The following EDIL3 variants were observed in gnomAD, a reference collection of about 807,000 sequenced individuals.
EDIL3 encodes EGF like and discoidin domains 3.
In EDIL3, 37 loss-of-function variants were observed where a neutral mutation model predicts 67.4. The observed-to-expected ratio is 0.55, with a 90% CI of 0.42 to 0.72. The LOEUF (loss-of-function observed/expected upper bound fraction) is 0.72. Among genes scored for constraint, EDIL3 ranks in the 30% least tolerant of loss-of-function variants. The pLI, the probability that EDIL3 is intolerant of heterozygous loss-of-function variation, is 0.00. For synonymous variants in EDIL3, 195 were observed against 196.3 expected (o/e 0.99, Z 0.05); for missense variants, 527 against 586.3 (o/e 0.90, Z 1.04).
intron 5 of EDIL3, among the ~76,000 whole-genome samples, chr5:84,133,369 TC>T (rs1190049600): frequency 2.7e-5 from 4 of 148,504 alleles, no homozygotes; most frequent in African/African-American, 1.0e-4. Context: ...ATGCCTGTAA[TC>T]CCATTACTTT....
intron 6 of EDIL3, among the ~76,000 whole-genome samples, chr5:84,098,196 C>T (rs1747299500): frequency 6.6e-6 from 1 of 151,400 alleles, no homozygotes; most frequent in African/African-American, 2.4e-5. Flanking sequence ...GCATGCTGAA[C>T]ATATAAATGT....
At chr5:84,270,399 T>G (rs1323302010) in intron 1 of EDIL3, among the ~76,000 whole-genome samples, 4 of 152,114 alleles carry the variant, frequency 2.6e-5, no homozygotes, top group Non-Finnish European at 4.4e-5. Context: ...AATATTTAGG[T>G]TTATCATAGC....
intron 9 of EDIL3, among the ~76,000 whole-genome samples, chr5:83,998,030 C>A (rs1341732923): frequency 6.6e-6 from 1 of 152,018 alleles, no homozygotes; most frequent in African/African-American, 2.4e-5. Context: ...ACTCTGGGAT[C>A]CTAAAAAAAC....
chr5:84,097,909 G>C (rs1212594080), intron 6 of EDIL3, among the ~76,000 whole-genome samples: 1 of 151,974 alleles, frequency 6.6e-6, no homozygotes, highest in Non-Finnish European at 1.5e-5. Context: ...AAAGCACCCA[G>C]AATTTAAAAT....
chr5:84,294,384 C>CAAAAAA (rs1173407354), intron 1 of EDIL3, among the ~76,000 whole-genome samples: 1 of 31,790 alleles, frequency 3.1e-5, no homozygotes, highest in African/African-American at 9.3e-5. Flanking sequence ...GACTCTGTCT[C>CAAAAAA]AAAAAAAAAA....
intron 1 of EDIL3, among the ~76,000 whole-genome samples, chr5:84,326,957 A>C (rs1037580411): frequency 1.3e-5 from 2 of 151,878 alleles, no homozygotes; most frequent in African/African-American, 4.8e-5. Context: ...CTACTGCAAA[A>C]GTCTTTTTCC....
At chr5:84,051,867 C>T (rs537485735) in intron 9 of EDIL3, among the ~76,000 whole-genome samples, 1 of 152,308 alleles carries the variant, frequency 6.6e-6, no homozygotes, top group Non-Finnish European at 1.5e-5. Flanking sequence ...AGAATGGAAC[C>T]AAGTTGGAAA....
At chr5:84,216,564 A>G (rs1744229522) in intron 3 of EDIL3, among the ~76,000 whole-genome samples, 1 of 152,210 alleles carries the variant, frequency 6.6e-6, no homozygotes, top group Non-Finnish European at 1.5e-5. Context: ...CTTGCTTATT[A>G]TGTAACCTTG....
At chr5:84,175,481 A>T (rs1222564913) in intron 4 of EDIL3, among the ~76,000 whole-genome samples, 3 of 152,206 alleles carry the variant, frequency 2.0e-5, no homozygotes, top group African/African-American at 7.2e-5. Context: ...ATGTCCTGAA[A>T]CGCCTCATCT....
rs543801848 is a variant in EDIL3, at chr5:84,189,006, G to A, written c.227-8485C>T. Among the ~76,000 whole-genome samples, 58 of 152,106 alleles carry A rather than the reference G, an allele frequency of 3.8e-4. No homozygotes were observed. The South Asian group carries it at 4.1e-3, about 11-fold the overall frequency. ...GGGGGTAGGGAGCACTATTTCACCC[G>A]CCTTATGGTTCCTGTGTAGTTGTTT... On this transcript the variant is annotated intron_variant, in intron 3 of 10. Transcript: ENST00000296591.
At chr5:84,084,402 A>T (rs962159723) in intron 6 of EDIL3, among the ~76,000 whole-genome samples, 2 of 152,164 alleles carry the variant, frequency 1.3e-5, no homozygotes, top group African/African-American at 4.8e-5. Flanking sequence ...TAGAAAACAA[A>T]TTATTTTTAA....
At chr5:84,254,980 G>T (rs1235352631) in intron 1 of EDIL3, among the ~76,000 whole-genome samples, 1 of 152,174 alleles carries the variant, frequency 6.6e-6, no homozygotes. Flanking sequence ...GCTGTCATCT[G>T]AGGTAACTGG....
chr5:84,275,985 T>A (rs1745577233), intron 1 of EDIL3, among the ~76,000 whole-genome samples: 1 of 152,166 alleles, frequency 6.6e-6, no homozygotes, highest in Non-Finnish European at 1.5e-5. Flanking sequence ...GCAGGGAGAT[T>A]TTCTAGTTTA....
At chr5:84,186,156 T>C (rs1421005782) in intron 3 of EDIL3, among the ~76,000 whole-genome samples, 2 of 152,068 alleles carry the variant, frequency 1.3e-5, no homozygotes, top group Non-Finnish European at 2.9e-5. Context: ...ACTTTGTGGT[T>C]ACCCCCATTC....
chr5:84,270,654 T>C (rs1259442867), intron 1 of EDIL3, among the ~76,000 whole-genome samples: 2 of 152,228 alleles, frequency 1.3e-5, no homozygotes, highest in Non-Finnish European at 2.9e-5. Context: ...CAAGCACCGT[T>C]CTAAGTTCTA....
chr5:84,230,517 C>G (rs1744552080), intron 2 of EDIL3, among the ~76,000 whole-genome samples: 1 of 151,974 alleles, frequency 6.6e-6, no homozygotes, highest in Non-Finnish European at 1.5e-5. Flanking sequence ...AAGCAATTCT[C>G]CTGTCTCAGC....
rs548604420 is a variant in EDIL3, at chr5:84,025,159, T to C, written c.1137+35141A>G. Among the ~76,000 whole-genome samples, 3 of 152,242 alleles carry C rather than the reference T, an allele frequency of 2.0e-5. No homozygotes were observed. In the East Asian group the frequency reaches 5.8e-4, roughly 29 times the overall value. On this transcript the variant is annotated intron_variant, in intron 9 of 10. Coordinates refer to ENST00000296591, the MANE Select transcript of EDIL3 (RefSeq NM_005711.5). ...GCTGCAGTGACCTCGGCTAAGCAAC[T>C]CAATCTCTCTAAACATCAGCTTCTT...
chr5:84,133,175 A>G (rs911818068), intron 5 of EDIL3, among the ~76,000 whole-genome samples: 2 of 152,164 alleles, frequency 1.3e-5, no homozygotes, highest in Admixed American at 1.3e-4. Flanking sequence ...ATTAATTTTC[A>G]TTGCACTTAA....
chr5:84,117,497 C>A (rs557949949), intron 5 of EDIL3, among the ~76,000 whole-genome samples: 54 of 152,036 alleles, frequency 3.6e-4, no homozygotes, highest in African/African-American at 1.3e-3. Context: ...TTACTATTTT[C>A]TAAAATGTTG....
Sources: gnomAD v4.1 joint callset for allele counts (sites outside exome capture counted in the v4.1 genomes callset) on GRCh38, gnomAD v4.1.1 for gene constraint, MANE v1.5 for transcripts, NCBI Gene and HGNC (gene_info 2026-07-23, HGNC 2026-07-21) for gene names.